The following SUGP2 variants were observed in gnomAD, a reference collection of about 807,000 sequenced individuals.
SUGP2 encodes SURP and G-patch domain containing 2.
A neutral mutation model predicts 90.5 loss-of-function variants in SUGP2; 24 were observed. The observed-to-expected ratio is 0.27, with a 90% CI of 0.19 to 0.37. The LOEUF (loss-of-function observed/expected upper bound fraction) is 0.37, where lower values mean the gene tolerates loss of function less well. Ranked by LOEUF, SUGP2 falls within the 10% of genes least tolerant of loss-of-function variation. The pLI is 1.00. For synonymous variants in SUGP2, 473 were observed against 513.4 expected (o/e 0.92, Z 1.06); for missense variants, 1,233 against 1,363.3 (o/e 0.90, Z 1.51).
At chr19:18,994,879 C>T (rs533540849) in intron 9 of SUGP2, 1 of 578,886 alleles carries the variant, frequency 1.7e-6, no homozygotes, top group Admixed American at 3.1e-5. Flanking sequence ...AGAAATACCA[C>T]TTAGCTTTTA....
chr19:18,995,341 G>C, intron 8 of SUGP2, 61 bp from the exon 9 acceptor site: 1 of 1,498,220 alleles, frequency 6.7e-7, no homozygotes, highest in East Asian at 2.3e-5. Context: ...TCAAGGGTCT[G>C]TCCTAGGCTA....
At chr19:19,015,245 G>C (rs966253454) in intron 4 of SUGP2, among the ~76,000 whole-genome samples, 2 of 151,788 alleles carry the variant, frequency 1.3e-5, no homozygotes, top group African/African-American at 2.4e-5. Context: ...ATAATAAAAA[G>C]AGATACAGAG....
At position 19,004,385 on chromosome 19, in the gene SUGP2, C is replaced by T. The variant is rs761025251; in HGVS notation, c.2712G>A (p.Glu904=). 2 of 1,614,016 alleles carry T rather than the reference C, an allele frequency of 1.2e-6. No individual in the cohort carries two copies. The highest frequency in any genetic ancestry group is 2.7e-5 in the African/African-American group (2 of 75,066). Residue 904 remains glutamate, a synonymous_variant, in exon 7 of 11, where the codon GAG becomes GAA. Transcript: ENST00000452918. ...CCGCCCCTCCAGGAGCGGGGGCCTC[C>T]TCTCCCCCATCCTCATCGTCCTCGT... ...EEDEDDEDGG[E]EAPAPGGAGK...
In SUGP2 at chr19:19,010,170, G is replaced by T. The variant is rs1309063650; in HGVS notation, c.2023C>A (p.Leu675Ile). 6.2e-7 allele frequency: 1 copy of T among 1,613,646 alleles called. No homozygotes were observed. The highest frequency in any genetic ancestry group is 1.3e-5 in the African/African-American group (1 of 74,894). The change falls in exon 5 of 11, where the codon CTT (leucine) becomes ATT (isoleucine). Residue 675 changes from leucine to isoleucine, a missense_variant. Coordinates refer to ENST00000452918, the MANE Select transcript of SUGP2 (RefSeq NM_001017392.5). ...RAVRNLKKKL[L>I]PWQRRGLLRA... is the part of the protein sequence containing the mutation. ...AGGAGCCCCCGCCGCTGCCACGGAA[G>T]GAGTTTCTTCTTGAGGTTGCGGACA...
rs563406050 is a variant in SUGP2 at position 18,993,173 on chromosome 19, T to A, written c.*568A>T. 4 of 152,192 alleles carry A rather than the reference T, an allele frequency of 2.6e-5. No homozygotes were observed. Among genetic ancestry groups the A allele is most frequent in the Non-Finnish European group, 4.4e-5 (3 of 68,034 alleles). The allele number at this position is 152,192 out of a possible 1,614,324, so 9.4% of individuals were successfully genotyped here. ...ATTTCATTAAGTCTCTCAAGATGCATTGATGAGATGAGACACCATGAATAA... is the reference window on the plus strand; with the variant it reads ...ATTTCATTAAGTCTCTCAAGATGCAATGATGAGATGAGACACCATGAATAA... On this transcript the variant is annotated 3_prime_UTR_variant, in exon 11 of 11. Coordinates refer to ENST00000452918, the MANE Select transcript of SUGP2 (RefSeq NM_001017392.5).
rs2057450105 is a variant in SUGP2 at position 18,993,572 on chromosome 19, G to A, written c.*169C>T. The A allele has an allele frequency of 6.6e-6, 1 of 152,564 alleles. No individual in the cohort carries two copies. The highest frequency in any genetic ancestry group is 1.5e-5 in the Non-Finnish European group (1 of 68,024). The allele number at this position is 152,564 out of a possible 1,614,324, so 9.5% of individuals were successfully genotyped here. On this transcript the variant is annotated 3_prime_UTR_variant, in exon 11 of 11. Transcript: ENST00000452918. ...AAATGGTGCATGTTTTTTTCTTTGA[G>A]AGAAAGAAAAGCCAGCGAAACCTCC...
intron 2 of SUGP2, among the ~76,000 whole-genome samples, chr19:19,026,725 G>A (rs1372163173): frequency 6.6e-6 from 1 of 152,180 alleles, no homozygotes; most frequent in African/African-American, 2.4e-5. Context: ...TGCCTTCACT[G>A]CCTCTTAGAA....
In SUGP2 at chr19:19,026,206, T is replaced by C; in HGVS notation, c.142A>G (p.Arg48Gly). The change falls in exon 3 of 11, where the codon AGA becomes GGA. Residue 48 changes from arginine (R) to glycine (G), a missense_variant. Arg to Gly is a moderately radical substitution (Grantham distance 125). Coordinates refer to ENST00000452918, the MANE Select transcript of SUGP2 (RefSeq NM_001017392.5). ...KAQDLLRAVP[R>G]SRAEMYDDVH... is the part of the protein sequence containing the mutation. ...TCATCATACATCTCTGCTCTGGATC[T>C]TGGGACTGCCCTTAAGAGATCTGAA... 6.2e-7 allele frequency: 1 copy of C among 1,600,816 alleles called. No homozygotes were observed. Among genetic ancestry groups the C allele is most frequent in the South Asian group, 1.1e-5 (1 of 90,104 alleles).
At chr19:19,029,205 A>C (rs1310510866) in intron 2 of SUGP2, among the ~76,000 whole-genome samples, 1 of 150,170 alleles carries the variant, frequency 6.7e-6, no homozygotes, top group Non-Finnish European at 1.5e-5. Context: ...GCAGTGGCAC[A>C]ACCTTGGCTC....
chr19:19,023,815 G>A (rs984274852), intron 3 of SUGP2, among the ~76,000 whole-genome samples: 3 of 151,966 alleles, frequency 2.0e-5, no homozygotes, highest in Admixed American at 2.0e-4. Flanking sequence ...GATCACTTGA[G>A]CCTAGGAGGT....
In SUGP2 at chr19:19,030,515, AAAACAAACAAAC is replaced by A. The variant is rs537694922; in HGVS notation, c.121+424_121+435del. Among the ~76,000 whole-genome samples the A allele has an allele frequency of 3.3e-5, 5 of 152,154 alleles. No homozygotes were observed. The South Asian group carries it at 6.2e-4, about 19-fold the overall frequency. On this transcript the variant is annotated intron_variant, in intron 2 of 10. Coordinates refer to ENST00000452918, the MANE Select transcript of SUGP2 (RefSeq NM_001017392.5). ...GGAGACAAGAGTGAAACTCCGTCTCAAAACAAACAAACAAACAAACAAACAATAAACAAAACT... is the reference window on the plus strand; with the variant it reads ...GGAGACAAGAGTGAAACTCCGTCTCAAAACAAACAAACAATAAACAAAACT...
rs1416165431 is a variant in SUGP2, at chr19:18,994,420, A to G, written c.3195T>C (p.Asp1065=). The G allele has an allele frequency of 6.2e-7, 1 of 1,614,174 alleles. No homozygotes were observed. The highest frequency in any genetic ancestry group is 2.2e-5 in the East Asian group (1 of 44,886). Residue 1065 remains aspartate, a synonymous_variant, in exon 10 of 11, where the codon GAT becomes GAC. Coordinates refer to ENST00000452918, the MANE Select transcript of SUGP2 (RefSeq NM_001017392.5). The part of the protein sequence containing the change: ...DGQEHKEDTF[D]VFRQRMMQMY... ...TCTGCATCATCCTCTGTCGGAACAC[A>G]TCGAATGTGTCTTCTTTGTGCTCCT...
rs181280362 is a variant in SUGP2, at chr19:19,031,401, G to A, written c.-11-319C>T. Among the ~76,000 whole-genome samples the A allele has an allele frequency of 1.9e-4, 29 of 152,262 alleles. No individual in the cohort carries two copies. The South Asian group carries it at 5.2e-3, about 27-fold the overall frequency. On this transcript the variant is annotated intron_variant, in intron 1 of 10. Coordinates refer to ENST00000452918, the MANE Select transcript of SUGP2 (RefSeq NM_001017392.5). ...ATACAAAAATTAGCCGGGCATGGTG[G>A]TGCCTGCCTTTAATCCCAGCTACTT... is the stretch of plus-strand genomic sequence containing the variant.
chr19:19,014,647 A>G (rs918256401), intron 4 of SUGP2, among the ~76,000 whole-genome samples: 1 of 151,360 alleles, frequency 6.6e-6, no homozygotes, highest in Admixed American at 6.6e-5. Context: ...AAAAAAAAAA[A>G]GCTGATAGCT....
rs1347327134 is a variant in SUGP2, at chr19:19,025,768, C to T, written c.580G>A (p.Asp194Asn). The change falls in exon 3 of 11, where the codon GAC becomes AAC. Residue 194 changes from aspartate to asparagine, a missense_variant. By Grantham distance (23) the Asp-to-Asn change is conservative. Coordinates refer to ENST00000452918, the MANE Select transcript of SUGP2 (RefSeq NM_001017392.5). ...LEKESRDYDV[D>N]HPGEADSVLR... ...ACAGAGTCAGCCTCCCCAGGATGGT[C>T]CACGTCATAATCCCGACTCTCCTTC... The T allele has an allele frequency of 6.2e-7, 1 of 1,613,986 alleles. No individual in the cohort carries two copies. Among genetic ancestry groups the T allele is most frequent in the African/African-American group, 1.3e-5 (1 of 74,990 alleles).
chr19:19,031,577 C>T (rs947434105), intron 1 of SUGP2, among the ~76,000 whole-genome samples: 2 of 151,330 alleles, frequency 1.3e-5, no homozygotes, highest in Non-Finnish European at 2.9e-5. Context: ...GTGGCACGTG[C>T]CTGTAATCCC....
chr19:19,009,732 G>A, intron 5 of SUGP2, 123 bp downstream of exon 5: 4 of 1,290,918 alleles, frequency 3.1e-6, no homozygotes, highest in Non-Finnish European at 3.2e-6. Flanking sequence ...GTCCTGGCCA[G>A]GTCCCTAGAG....
Position 18,994,812 on chromosome 19 carries a change from G to A in SUGP2, c.3129-326C>T, listed in dbSNP as rs1039223619. 47 of 528,868 alleles carry A rather than the reference G, an allele frequency of 8.9e-5. 1 individual carries two copies. In the Middle Eastern group the frequency reaches 2.3e-3, roughly 26 times the overall value. 32.8% of individuals were successfully genotyped at this position (528,868 alleles called of 1,614,324 possible). On this transcript the variant is annotated intron_variant, in intron 9 of 10. Coordinates refer to ENST00000452918, the MANE Select transcript of SUGP2 (RefSeq NM_001017392.5). ...CTTTGGGCCTGTGTTCGGGACCCTG[G>A]CTGGCCCGGCTATGGGTTCCCGGGA...
At chr19:19,022,416 T>C (rs922402917) in intron 3 of SUGP2, among the ~76,000 whole-genome samples, 1 of 152,168 alleles carries the variant, frequency 6.6e-6, no homozygotes, top group Non-Finnish European at 1.5e-5. Flanking sequence ...TGAACCCAGG[T>C]CTGTCTGGCT....
Sources: gnomAD v4.1 joint callset for allele counts (sites outside exome capture counted in the v4.1 genomes callset) on GRCh38, gnomAD v4.1.1 for gene constraint, MANE v1.5 for transcripts, NCBI Gene and HGNC (gene_info 2026-07-23, HGNC 2026-07-21) for gene names.